Variants in PHF8 observed in about 807,000 individuals in gnomAD.
PHF8 encodes PHD finger protein 8.
PHF8 carries 9 observed loss-of-function variants against 74.4 expected under a neutral mutation model. The observed-to-expected ratio is 0.12, with a 90% confidence interval of 0.07 to 0.21. The LOEUF is 0.21. Among genes scored for constraint, PHF8 ranks in the 10% least tolerant of loss-of-function variants. The pLI is 1.00. For missense variants in PHF8, 478 were observed against 816.6 expected (o/e 0.59, Z 5.05); for synonymous variants, 311 against 316.6 (o/e 0.98, Z 0.19).
chrX:53,972,321 CAAAAAAAAAA>C (rs1236817498), intron 18 of PHF8, among the ~76,000 whole-genome samples: 1 of 34,163 alleles, frequency 2.9e-5, no homozygotes, highest in Non-Finnish European at 5.5e-5. Flanking sequence ...GACGCTGTCT[CAAAAAAAAAA>C]AAAAAAAAAA....
At chrX:53,986,277 C>T (rs1357006056) in intron 16 of PHF8, among the ~76,000 whole-genome samples, 3 of 112,789 alleles carry the variant, frequency 2.7e-5, no homozygotes. Context: ...GAGCCTCGTT[C>T]TGTCGCCAGG....
intron 2 of PHF8, among the ~76,000 whole-genome samples, chrX:54,041,655 T>C (rs1427023833): frequency 2.7e-5 from 3 of 112,386 alleles, no homozygotes; most frequent in Non-Finnish European, 5.6e-5. Flanking sequence ...CACGGTTAAC[T>C]GAAGGAAATT....
chrX:53,973,120 A>G (rs1557095089), intron 18 of PHF8, among the ~76,000 whole-genome samples: 1 of 112,071 alleles, frequency 8.9e-6, no homozygotes, highest in Non-Finnish European at 1.9e-5. Flanking sequence ...GAGGAGAACT[A>G]CAAACCACTG....
rs958888905 is a variant in PHF8, at chrX:54,016,183, A to G, written c.596+412T>C. On this transcript the variant is annotated intron_variant, in intron 6 of 21. Coordinates refer to ENST00000338154, the MANE Select transcript of PHF8 (RefSeq NM_015107.3). ...CCAGCTCGCCATCCCAAAGGAAGAA[A>G]CCACCAGGAAGAAGAGAAAGGAACA... Among the ~76,000 whole-genome samples the G allele has an allele frequency of 2.7e-5, 3 of 111,835 alleles. No individual in the cohort carries two copies. In the Admixed American group the frequency reaches 2.9e-4, roughly 11 times the overall value.
intron 3 of PHF8, 31 bp from the exon 4 acceptor site, chrX:54,022,398 T>A: frequency 1.1e-6 from 1 of 929,951 alleles, no homozygotes; most frequent in Non-Finnish European, 1.6e-6. Flanking sequence ...AGATTGTGAG[T>A]CAGAACGGTC....
chrX:53,986,281 C>T (rs914480687), intron 16 of PHF8, among the ~76,000 whole-genome samples: 3 of 112,744 alleles, frequency 2.7e-5, no homozygotes, highest in Non-Finnish European at 5.6e-5. Context: ...CTCGTTCTGT[C>T]GCCAGGCTGG....
Position 53,966,915 on chromosome X carries a change from C to A in PHF8, c.2444-3976G>T, listed in dbSNP as rs1374076779. 2.3e-3 allele frequency among the ~76,000 whole-genome samples: 258 copies of A among 110,383 alleles called. 1 individual carries two copies. Among genetic ancestry groups the A allele is most frequent in the Non-Finnish European group, 3.5e-3 (183 of 52,409 alleles). On this transcript the variant is annotated intron_variant, in intron 18 of 21. Coordinates refer to ENST00000338154, the MANE Select transcript of PHF8 (RefSeq NM_015107.3). ...TCTGGGATGTGAGGAGCGCCTCTGC[C>A]CGGTCGCGACCCCGTCTGGGAGGTG...
At position 53,965,040 on chromosome X, in the gene PHF8, T is replaced by C. The variant is rs142645777; in HGVS notation, c.2444-2101A>G. Among the ~76,000 whole-genome samples the C allele has an allele frequency of 4.4e-3, 486 of 111,575 alleles. 2 individuals carry two copies. The highest frequency in any genetic ancestry group is 9.1e-3 in the Middle Eastern group (2 of 219). ...CTTAATAGTACTGAACTATACACTT[T>C]AAAATGATTAAGATGGTAAATTTGT... On this transcript the variant is annotated intron_variant, in intron 18 of 21. Coordinates refer to ENST00000338154, the MANE Select transcript of PHF8 (RefSeq NM_015107.3).
chrX:54,021,454 ATTTTTTTTTTT>A (rs1156928686), intron 4 of PHF8, among the ~76,000 whole-genome samples: 16 of 42,166 alleles, frequency 3.8e-4, no homozygotes, highest in East Asian at 2.2e-3. Context: ...AGTTGCAATT[ATTTTTTTTTTT>A]TTTTTTTTTT....
chrX:54,034,601 T>C (rs1323729488), intron 2 of PHF8, among the ~76,000 whole-genome samples: 1 of 110,171 alleles, frequency 9.1e-6, no homozygotes, highest in Non-Finnish European at 1.9e-5. Flanking sequence ...GACGTGTGGA[T>C]CATTTGAGGT....
At chrX:53,979,152 G>A (rs782498875) in intron 18 of PHF8, among the ~76,000 whole-genome samples, 4 of 112,022 alleles carry the variant, frequency 3.6e-5, no homozygotes, top group Non-Finnish European at 5.6e-5. Context: ...AGGCTGAGGC[G>A]GGTGGATCAC....
At position 54,020,664 on chromosome X, in the gene PHF8, A is replaced by G. The variant is rs781828394; in HGVS notation, c.293+1595T>C. 1.5e-4 allele frequency among the ~76,000 whole-genome samples: 17 copies of G among 112,147 alleles called. No individual in the cohort carries two copies. In the East Asian group the frequency reaches 3.1e-3, roughly 20 times the overall value. On this transcript the variant is annotated intron_variant, in intron 4 of 21. Coordinates refer to ENST00000338154, the MANE Select transcript of PHF8 (RefSeq NM_015107.3). ...TTTGGAGAAAGAACCTGAGGAGTCC[A>G]GAGTAGAGAGGAGAAGTTTCTGCCT...
chrX:53,944,756 C>G (rs1272270796), intron 19 of PHF8, among the ~76,000 whole-genome samples: 1 of 112,488 alleles, frequency 8.9e-6, no homozygotes, highest in Non-Finnish European at 1.9e-5. Flanking sequence ...TGCAGTGGCT[C>G]ACACCTGTAA....
chrX:54,032,102 G>C (rs1557112729), intron 2 of PHF8, among the ~76,000 whole-genome samples: 1 of 111,378 alleles, frequency 9.0e-6, no homozygotes, highest in East Asian at 2.8e-4. Flanking sequence ...ACTCTCACTT[G>C]CTCAAAAAGC....
At chrX:54,048,927 G>C (rs1346011601), upstream of PHF8, 4 of 111,193 alleles carry the variant, frequency 3.6e-5, no homozygotes, top group African/African-American at 1.3e-4. Flanking sequence ...AACCTCAGCA[G>C]GATCTTTTCC....
intron 2 of PHF8, among the ~76,000 whole-genome samples, chrX:54,036,350 C>G (rs945839390): frequency 9.2e-6 from 1 of 109,014 alleles, no homozygotes; most frequent in African/African-American, 3.3e-5. Flanking sequence ...CACTATCAAA[C>G]TAGAAGTCAG....
intron 2 of PHF8, among the ~76,000 whole-genome samples, chrX:54,025,517 C>T (rs782474768): frequency 1.7e-3 from 190 of 111,371 alleles, no homozygotes; most frequent in Non-Finnish European, 1.7e-3. Context: ...CCCCTTCACT[C>T]GCTGAAGAAC....
intron 19 of PHF8, among the ~76,000 whole-genome samples, chrX:53,955,557 C>CTTTTTTTT (rs369969712): frequency 9.6e-5 from 7 of 72,964 alleles, no homozygotes; most frequent in Admixed American, 1.8e-4. Context: ...CTCTTCTTTT[C>CTTTTTTTT]TTTTTTTTTT....
At chrX:54,045,977 G>T (rs1033954521), upstream of PHF8, among the ~76,000 whole-genome samples, 3 of 72,630 alleles carry the variant, frequency 4.1e-5, no homozygotes, top group Non-Finnish European at 8.3e-5. Flanking sequence ...TGTTGTTTTA[G>T]AGACAAGGTC....
Sources: allele counts gnomAD v4.1 joint callset (sites outside exome capture counted in the v4.1 genomes callset), GRCh38; gene constraint gnomAD v4.1.1; transcripts MANE v1.5; gene names NCBI Gene and HGNC (gene_info 2026-07-23, HGNC 2026-07-21).